SPMAP2: variants seen among roughly 807,000 people sequenced by gnomAD.
The protein encoded by SPMAP2 is sperm microtubule associated protein 2.
At chr19:362,471 A>T in the SPMAP2 span, 1 of 1,468,532 alleles carries the variant, frequency 6.8e-7, no homozygotes, top group Non-Finnish European at 9.3e-7. Flanking sequence ...CTCAAACCTC[A>T]AAGCTCCACA....
At chr19:362,463 C>T in the SPMAP2 span, 6 of 1,513,670 alleles carry the variant, frequency 4.0e-6, no homozygotes, top group Non-Finnish European at 5.4e-6. Flanking sequence ...CACTGAAGCT[C>T]AAACCTCAAA....
chr19:362,293 G>A, the SPMAP2 span: 165 of 1,606,766 alleles, frequency 1.0e-4, no homozygotes, highest in African/African-American at 2.0e-4. Context: ...CGTATCCCTC[G>A]TTGAGGCCCT....
At chr19:370,151 G>C in the SPMAP2 span, among the ~76,000 whole-genome samples, 3 of 152,136 alleles carry the variant, frequency 2.0e-5, no homozygotes, top group African/African-American at 7.2e-5. Flanking sequence ...GCAAGACGGC[G>C]GCCAGGATGG....
At chr19:362,411 G>A in the SPMAP2 span, 100 of 1,604,100 alleles carry the variant, frequency 6.2e-5, no homozygotes, top group South Asian at 1.2e-4. Context: ...GCACTTGTCC[G>A]ACTGAGCTTT....
At chr19:367,803 G>A in the SPMAP2 span, among the ~76,000 whole-genome samples, 7 of 152,118 alleles carry the variant, frequency 4.6e-5, no homozygotes, top group South Asian at 2.1e-4. Flanking sequence ...GCGCCCGGCC[G>A]CTGGGGGCTG....
At chr19:372,735 A>C in the SPMAP2 span, 1 of 1,606,334 alleles carries the variant, frequency 6.2e-7, no homozygotes, top group Non-Finnish European at 8.5e-7. Context: ...AGTGAACCCC[A>C]GTGTCAACAC....
At chr19:374,466 C>T in the SPMAP2 span, 104 of 1,612,498 alleles carry the variant, frequency 6.4e-5, 1 homozygote, top group South Asian at 2.7e-4. Context: ...TTTCCCGCCC[C>T]GATGCGTTTG....
chr19:375,213 C>A, the SPMAP2 span, among the ~76,000 whole-genome samples: 1 of 152,158 alleles, frequency 6.6e-6, no homozygotes, highest in Non-Finnish European at 1.5e-5. Context: ...GTCAGTTCAC[C>A]CAGAACGTGT....
the SPMAP2 span, chr19:374,357 G>C: frequency 6.2e-7 from 1 of 1,614,094 alleles, no homozygotes; most frequent in Non-Finnish European, 8.5e-7. Context: ...AGCCTCCTCC[G>C]CCTCCTCCTC....
At chr19:370,585 C>T in the SPMAP2 span, among the ~76,000 whole-genome samples, 2 of 151,438 alleles carry the variant, frequency 1.3e-5, no homozygotes, top group South Asian at 2.1e-4. Context: ...CTGCTGACCT[C>T]GTGATCCACC....
At chr19:375,369 C>T in the SPMAP2 span, among the ~76,000 whole-genome samples, 1 of 152,326 alleles carries the variant, frequency 6.6e-6, no homozygotes, top group Non-Finnish European at 1.5e-5. Context: ...CTCTGGGCAC[C>T]TGAACTCAGT....
chr19:370,572 G>A, the SPMAP2 span, among the ~76,000 whole-genome samples: 11 of 150,792 alleles, frequency 7.3e-5, no homozygotes, highest in East Asian at 2.0e-4. Context: ...GGATGGTCTC[G>A]ATCTGCTGAC....
chr19:369,734 GT>G, the SPMAP2 span, among the ~76,000 whole-genome samples: 1 of 152,208 alleles, frequency 6.6e-6, no homozygotes, highest in Non-Finnish European at 1.5e-5. Flanking sequence ...GTTCTTATAG[GT>G]TTTGGGATAG....
At chr19:375,552 G>C in the SPMAP2 span, 2 of 1,179,096 alleles carry the variant, frequency 1.7e-6, no homozygotes, top group Non-Finnish European at 2.3e-6. Context: ...AGCCAGGCCG[G>C]TGGCCGGTTA....
At chr19:372,707 A>C in the SPMAP2 span, 11 of 1,613,968 alleles carry the variant, frequency 6.8e-6, no homozygotes, top group South Asian at 1.1e-5. Flanking sequence ...ACCGCTATGC[A>C]AAATGGGAAA....
At chr19:374,358 C>T in the SPMAP2 span, 2 of 1,614,150 alleles carry the variant, frequency 1.2e-6, no homozygotes, top group Non-Finnish European at 1.7e-6. Flanking sequence ...GCCTCCTCCG[C>T]CTCCTCCTCT....
chr19:374,420 G>A, the SPMAP2 span: 197 of 1,614,050 alleles, frequency 1.2e-4, 1 homozygote, highest in Middle Eastern at 8.3e-4. Flanking sequence ...ATGGACAGCC[G>A]GCTTTGGGAG....
chr19:371,257 T>C, the SPMAP2 span: 1 of 1,519,648 alleles, frequency 6.6e-7, no homozygotes, highest in Non-Finnish European at 8.9e-7. Flanking sequence ...GGCGGCCAGT[T>C]CCTTCAGGCG....
the SPMAP2 span, chr19:367,016 G>T: frequency 2.5e-6 from 4 of 1,591,790 alleles, no homozygotes. Flanking sequence ...GTGTCCCTTG[G>T]GATCTGAACA....
Sources: allele counts gnomAD v4.1 joint callset (sites outside exome capture counted in the v4.1 genomes callset), GRCh38; gene constraint gnomAD v4.1.1; transcripts MANE v1.5; gene names NCBI Gene and HGNC (gene_info 2026-07-23, HGNC 2026-07-21).